Variants in ARFGEF1 observed in about 807,000 individuals in gnomAD.
The protein encoded by ARFGEF1 is brefeldin A-inhibited guanine nucleotide-exchange protein 1.
A neutral mutation model predicts 231.0 loss-of-function variants in ARFGEF1; 42 were observed. That is an observed-to-expected ratio of 0.18 (90% confidence interval 0.14 to 0.24). The LOEUF is 0.24. Ranked by LOEUF, ARFGEF1 falls within the 10% of genes least tolerant of loss-of-function variation. The pLI, the probability that ARFGEF1 is intolerant of heterozygous loss-of-function variation, is 1.00. For synonymous variants in ARFGEF1, 710 were observed against 732.3 expected, an observed-to-expected ratio of 0.97 and a Z score of 0.49; for missense variants, 1,345 against 2,192.0, an observed-to-expected ratio of 0.61 and a Z score of 7.72.
chr8:67,283,140 T>C (rs768451281), intron 7 of ARFGEF1, among the ~76,000 whole-genome samples: 1 of 152,144 alleles, frequency 6.6e-6, no homozygotes, highest in Non-Finnish European at 1.5e-5. Context: ...AATAGCCAAA[T>C]GCAAATTAAA....
chr8:67,297,537 G>A (rs1169883113), intron 4 of ARFGEF1, among the ~76,000 whole-genome samples: 1 of 152,136 alleles, frequency 6.6e-6, no homozygotes, highest in Non-Finnish European at 1.5e-5. Flanking sequence ...CTGTGATCAT[G>A]CCACAGCACT....
chr8:67,228,148 A>C lies in ARFGEF1; in HGVS notation c.3422-16T>G. 7.0e-7 allele frequency: 1 copy of C among 1,433,826 alleles called. No individual in the cohort carries two copies. Among genetic ancestry groups the C allele is most frequent in the Non-Finnish European group, 9.5e-7 (1 of 1,050,256 alleles). The allele number at this position is 1,433,826 out of a possible 1,614,324, so 88.8% of individuals were successfully genotyped here. A position where few individuals can be genotyped will look rare whatever the true frequency, so the allele number is the denominator to read the frequency against. On this transcript the variant is annotated splice_polypyrimidine_tract_variant and intron_variant, in intron 24 of 38. Coordinates refer to ENST00000262215, the MANE Select transcript of ARFGEF1 (RefSeq NM_006421.5). ...ACAAAATCCACTGTAATATAAATAC[A>C]TTTTTTTTTTAGCTCAACATTAAAG...
downstream of ARFGEF1, among the ~76,000 whole-genome samples, chr8:67,196,939 G>A (rs1838030855): frequency 6.6e-6 from 1 of 151,952 alleles, no homozygotes; most frequent in Non-Finnish European, 1.5e-5. Context: ...TCTAAGAGAG[G>A]TGTGAAAGCA....
intron 9 of ARFGEF1, among the ~76,000 whole-genome samples, chr8:67,272,358 G>A (rs1163307497): frequency 1.3e-5 from 2 of 151,906 alleles, no homozygotes; most frequent in African/African-American, 4.8e-5. Context: ...AGTAGAGATG[G>A]GGTTTCACGG....
In ARFGEF1 at chr8:67,227,143, T is replaced by C. The variant is rs769938373; in HGVS notation, c.3910A>G (p.Ile1304Val). ...CAGCTAAGAGAATACTCACTGACAA[T>C]GTGCCCGGTTGTTTGGAATGCAAGT... ...VELAFQTTGHIVTLVFEKHFP... is the reference protein window; with the variant it reads ...VELAFQTTGHVVTLVFEKHFP... The change falls in exon 27 of 39, where the codon ATT becomes GTT. Residue 1304 changes from isoleucine to valine, a missense_variant. Around this residue, in one of 14 missense-constraint regions of ARFGEF1, gnomAD observed 142 missense variants for 227.3 expected, o/e 0.62. Coordinates refer to ENST00000262215, the MANE Select transcript of ARFGEF1 (RefSeq NM_006421.5). 2.5e-6 allele frequency: 4 copies of C among 1,611,222 alleles called. No individual in the cohort carries two copies. The East Asian group carries it at 8.9e-5, about 36-fold the overall frequency.
intron 14 of ARFGEF1, among the ~76,000 whole-genome samples, chr8:67,265,610 T>C (rs1023397223): frequency 6.6e-6 from 1 of 152,136 alleles, no homozygotes; most frequent in Non-Finnish European, 1.5e-5. Context: ...ATAGTACATT[T>C]GTAAGCCAGC....
intron 34 of ARFGEF1, among the ~76,000 whole-genome samples, chr8:67,210,827 G>C (rs1193937115): frequency 6.6e-6 from 1 of 152,068 alleles, no homozygotes; most frequent in Non-Finnish European, 1.5e-5. Flanking sequence ...GGCTGAGGCG[G>C]GCGGATCATA....
At chr8:67,188,086 G>A (rs564560152) in intron 5 of ARFGEF1, among the ~76,000 whole-genome samples, 175 of 152,296 alleles carry the variant, frequency 1.1e-3, no homozygotes, top group African/African-American at 3.9e-3. Context: ...TTAATTAAGA[G>A]AATGAGAAGA....
chr8:67,240,524 C>T (rs1325394956), intron 19 of ARFGEF1, among the ~76,000 whole-genome samples: 1 of 152,022 alleles, frequency 6.6e-6, no homozygotes, highest in Non-Finnish European at 1.5e-5. Flanking sequence ...AGAACTGTAC[C>T]TATAAATTAT....
At chr8:67,193,323 C>T (rs1836938445), downstream of ARFGEF1, 2 of 574,574 alleles carry the variant, frequency 3.5e-6, no homozygotes, top group Non-Finnish European at 6.1e-6. Flanking sequence ...TCTTGAACTC[C>T]TGACTTCAGG....
intron 5 of ARFGEF1, among the ~76,000 whole-genome samples, chr8:67,177,307 A>T (rs1831929717): frequency 6.6e-6 from 1 of 152,166 alleles, no homozygotes; most frequent in African/African-American, 2.4e-5. Context: ...AGTGCCTGGA[A>T]TTGAGCTTAT....
At chr8:67,238,991 G>GTTTT in intron 20 of ARFGEF1, 98 bp from the exon 21 acceptor site, 5 of 620,134 alleles carry the variant, frequency 8.1e-6, no homozygotes, top group South Asian at 5.0e-5. Context: ...GTAAGATTTT[G>GTTTT]TTTTTTTTTT....
Position 67,300,660 on chromosome 8 carries a change from C to CAA in ARFGEF1, c.312+562_312+563dup, listed in dbSNP as rs200434355. On this transcript the variant is annotated intron_variant, in intron 3 of 38. Coordinates refer to ENST00000262215, the MANE Select transcript of ARFGEF1 (RefSeq NM_006421.5). Reference sequence around the variant, plus strand: ...CAACATGGTGAAACTCTTGTCTCTTCAAAAAAAAAAAAAAAAAAAAAAAAA... The same window carrying CAA: ...CAACATGGTGAAACTCTTGTCTCTTCAAAAAAAAAAAAAAAAAAAAAAAAAAA... Among the ~76,000 whole-genome samples, 83 of 88,652 alleles carry CAA rather than the reference C, an allele frequency of 9.4e-4. 2 individuals are homozygous for CAA. In the Middle Eastern group the frequency reaches 0.024, roughly 26 times the overall value. 58.2% of individuals were successfully genotyped at this position (88,652 alleles called of 152,430 possible).
At chr8:67,263,466 A>G (rs1278827308) in intron 14 of ARFGEF1, among the ~76,000 whole-genome samples, 1 of 152,154 alleles carries the variant, frequency 6.6e-6, no homozygotes, top group Non-Finnish European at 1.5e-5. Context: ...AGACAACAAA[A>G]AGTCCTTTAC....
intron 5 of ARFGEF1, among the ~76,000 whole-genome samples, 155 bp downstream of exon 5, chr8:67,296,276 A>T (rs1038905192): frequency 3.9e-5 from 6 of 152,246 alleles, no homozygotes; most frequent in African/African-American, 1.4e-4. Flanking sequence ...AAAACAAAAT[A>T]AAACACAATC....
At chr8:67,231,093 G>C (rs1194870535) in intron 23 of ARFGEF1, among the ~76,000 whole-genome samples, 3 of 152,004 alleles carry the variant, frequency 2.0e-5, no homozygotes, top group African/African-American at 7.2e-5. Flanking sequence ...GGTAAGTACA[G>C]AACTCCCCAG....
At chr8:67,268,025 T>C (rs964104277) in intron 10 of ARFGEF1, among the ~76,000 whole-genome samples, 1 of 152,200 alleles carries the variant, frequency 6.6e-6, no homozygotes, top group African/African-American at 2.4e-5. Context: ...AGTGAGTTAA[T>C]CAACCTAATG....
At chr8:67,259,652 C>G (rs570459044) in intron 15 of ARFGEF1, among the ~76,000 whole-genome samples, 163 bp downstream of exon 15, 1 of 152,136 alleles carries the variant, frequency 6.6e-6, no homozygotes, top group Non-Finnish European at 1.5e-5. Context: ...TGGTGGCTCA[C>G]GCCTGTAATC....
intron 5 of ARFGEF1, among the ~76,000 whole-genome samples, chr8:67,294,264 C>A (rs1323500490): frequency 6.6e-6 from 1 of 152,032 alleles, no homozygotes; most frequent in Non-Finnish European, 1.5e-5. Context: ...GCCCTGGAAC[C>A]AATCCCCCAT....
Sources: allele counts gnomAD v4.1 joint callset (sites outside exome capture counted in the v4.1 genomes callset), GRCh38; gene constraint gnomAD v4.1.1; regional missense constraint gnomAD v4.1.1; transcripts MANE v1.5; gene names NCBI Gene and HGNC (gene_info 2026-07-23, HGNC 2026-07-21).